The following SYT1 variants were observed in gnomAD, a reference collection of about 807,000 sequenced individuals.
SYT1 encodes synaptotagmin 1.
A neutral mutation model predicts 44.8 loss-of-function variants in SYT1; 8 were observed. That is an observed-to-expected ratio of 0.18 (90% CI 0.10 to 0.32). The LOEUF (loss-of-function observed/expected upper bound fraction) is 0.32, where lower values mean the gene tolerates loss of function less well. Ranked by LOEUF, SYT1 falls within the 10% of genes least tolerant of loss-of-function variation. SYT1 has a pLI of 1.00. For synonymous variants in SYT1, 154 were observed against 188.8 expected, an observed-to-expected ratio of 0.82 and a Z score of 1.51; for missense variants, 286 against 509.3, an observed-to-expected ratio of 0.56 and a Z score of 4.22.
At chr12:79,414,394 C>T (rs1868609945) in intron 9 of SYT1, among the ~76,000 whole-genome samples, 1 of 151,986 alleles carries the variant, frequency 6.6e-6, no homozygotes, top group Non-Finnish European at 1.5e-5. Flanking sequence ...GGTGGGGACA[C>T]ATTAGATCCT....
At chr12:79,353,764 C>A in intron 9 of SYT1, 145 bp downstream of exon 9, 1 of 657,116 alleles carries the variant, frequency 1.5e-6, no homozygotes, top group Non-Finnish European at 2.8e-6. Context: ...CAGAATTCAT[C>A]CCAACACAGT....
At chr12:79,364,507 T>C (rs1277157789) in intron 9 of SYT1, among the ~76,000 whole-genome samples, 1 of 152,198 alleles carries the variant, frequency 6.6e-6, no homozygotes, top group Non-Finnish European at 1.5e-5. Context: ...GACAGCCTTT[T>C]TAAATTACTA....
At chr12:79,364,834 T>C (rs897366001) in intron 9 of SYT1, among the ~76,000 whole-genome samples, 14 of 152,120 alleles carry the variant, frequency 9.2e-5, no homozygotes, top group Non-Finnish European at 1.8e-4. Flanking sequence ...TTACTACATA[T>C]ACTACATATA....
At chr12:78,956,664 T>C (rs559032218) in intron 1 of SYT1, among the ~76,000 whole-genome samples, 25 of 152,138 alleles carry the variant, frequency 1.6e-4, no homozygotes, top group Non-Finnish European at 2.6e-4. Flanking sequence ...AATTACTCTG[T>C]AATATTTATT....
At chr12:79,329,414 G>T (rs890559158) in intron 8 of SYT1, among the ~76,000 whole-genome samples, 1 of 152,188 alleles carries the variant, frequency 6.6e-6, no homozygotes, top group African/African-American at 2.4e-5. Flanking sequence ...TGTCTGCTAT[G>T]TGCCAGGCAC....
intron 3 of SYT1, among the ~76,000 whole-genome samples, chr12:79,099,934 C>G (rs1878349697): frequency 6.6e-6 from 1 of 152,004 alleles, no homozygotes; most frequent in African/African-American, 2.4e-5. Context: ...CGTAGGCATG[C>G]TAAAGCTTTA....
At chr12:79,445,226 T>C (rs1360335961) in intron 10 of SYT1, among the ~76,000 whole-genome samples, 6 of 152,118 alleles carry the variant, frequency 3.9e-5, no homozygotes, top group African/African-American at 1.4e-4. Flanking sequence ...CACATAGTAA[T>C]GTTTTCATAT....
intron 9 of SYT1, among the ~76,000 whole-genome samples, chr12:79,398,929 C>T (rs1593033505): frequency 6.6e-6 from 1 of 152,156 alleles, no homozygotes; most frequent in African/African-American, 2.4e-5. Flanking sequence ...TCTTCTCCAA[C>T]CCCTGCTCCA....
At chr12:79,431,878 T>A (rs745986490) in intron 9 of SYT1, among the ~76,000 whole-genome samples, 5 of 152,160 alleles carry the variant, frequency 3.3e-5, no homozygotes, top group Non-Finnish European at 5.9e-5. Context: ...AGTTTATTTT[T>A]ATTTTCTCCT....
At position 79,290,118 on chromosome 12, in the gene SYT1, G is replaced by A. The variant is rs557066065; in HGVS notation, c.352-1890G>A. Among the ~76,000 whole-genome samples the A allele has an allele frequency of 1.1e-4, 16 of 152,074 alleles. No homozygotes were observed. In the South Asian group the frequency reaches 2.1e-3, roughly 20 times the overall value. Reference sequence around the variant, plus strand: ...CCAAATTTGATAATGTTTCTACACCGATGTATATCATGATGGCAATTTTCA... The same window carrying A: ...CCAAATTTGATAATGTTTCTACACCAATGTATATCATGATGGCAATTTTCA... On this transcript the variant is annotated intron_variant, in intron 5 of 10. Transcript: ENST00000261205.
chr12:79,025,690 C>G (rs950531396), intron 2 of SYT1, among the ~76,000 whole-genome samples: 3 of 151,412 alleles, frequency 2.0e-5, no homozygotes, highest in Non-Finnish European at 4.4e-5. Context: ...TATATAGGCT[C>G]TGTATTTTGT....
chr12:78,981,888 G>T (rs1869290227), intron 2 of SYT1, among the ~76,000 whole-genome samples: 1 of 152,052 alleles, frequency 6.6e-6, no homozygotes, highest in South Asian at 2.1e-4. Flanking sequence ...TTTATTTTCT[G>T]TTTCTTAAAT....
At chr12:79,115,110 A>G (rs892424665) in intron 3 of SYT1, among the ~76,000 whole-genome samples, 1 of 152,208 alleles carries the variant, frequency 6.6e-6, no homozygotes, top group Non-Finnish European at 1.5e-5. Context: ...ATTACTGTAC[A>G]GTCACAGTAG....
chr12:79,275,456 G>A (rs34385389), intron 4 of SYT1, among the ~76,000 whole-genome samples: 9,104 of 152,162 alleles, frequency 0.06, 391 homozygotes, highest in Middle Eastern at 0.1. Context: ...AGGCTTGCAA[G>A]AGGGGTGGAG....
At chr12:79,037,752 C>G (rs1488165550) in intron 2 of SYT1, among the ~76,000 whole-genome samples, 1 of 151,830 alleles carries the variant, frequency 6.6e-6, no homozygotes, top group Non-Finnish European at 1.5e-5. Flanking sequence ...ACAGGTACTT[C>G]TAGTGGTTAC....
At chr12:79,377,793 C>A (rs1181718048) in intron 9 of SYT1, among the ~76,000 whole-genome samples, 2 of 152,134 alleles carry the variant, frequency 1.3e-5, no homozygotes, top group Non-Finnish European at 2.9e-5. Context: ...TAGTCCAGGT[C>A]TAGGGAGAAT....
At chr12:79,248,756 C>G (rs939098699) in intron 4 of SYT1, among the ~76,000 whole-genome samples, 1 of 152,208 alleles carries the variant, frequency 6.6e-6, no homozygotes, top group African/African-American at 2.4e-5. Flanking sequence ...ACAAACACCT[C>G]TGGGCCAAAA....
intron 3 of SYT1, among the ~76,000 whole-genome samples, chr12:79,158,527 G>A (rs1870745702): frequency 6.6e-6 from 1 of 152,050 alleles, no homozygotes; most frequent in South Asian, 2.1e-4. Context: ...TGTAGTTTGG[G>A]GACCCCTGCT....
At chr12:79,393,506 G>A (rs879291241) in intron 9 of SYT1, 17 of 152,274 alleles carry the variant, frequency 1.1e-4, no homozygotes, top group Admixed American at 2.0e-4. Flanking sequence ...TCTAACTGGC[G>A]TGAGATGGTA....
Sources: gnomAD v4.1 joint callset for allele counts (sites outside exome capture counted in the v4.1 genomes callset) on GRCh38, gnomAD v4.1.1 for gene constraint, MANE v1.5 for transcripts, NCBI Gene and HGNC (gene_info 2026-07-23, HGNC 2026-07-21) for gene names.